The following MS4A13 variants were observed in gnomAD, a reference collection of about 807,000 sequenced individuals.
MS4A13 encodes the protein membrane-spanning 4-domains subfamily A member 13.
Under a neutral mutation model 18.4 loss-of-function variants are expected in MS4A13, and 21 were observed. The observed-to-expected ratio is 1.14, with a 90% confidence interval of 0.81 to 1.64. The LOEUF (loss-of-function observed/expected upper bound fraction) is 1.64, where lower values mean the gene tolerates loss of function less well. Ranked by LOEUF, MS4A13 falls within the 40% of genes most tolerant of loss-of-function variation. MS4A13 has a pLI of 0.00. For missense variants in MS4A13, 173 were observed against 176.8 expected, an observed-to-expected ratio of 0.98 and a Z score of 0.12; for synonymous variants, 62 against 57.2, an observed-to-expected ratio of 1.08 and a Z score of -0.38.
intron 4 of MS4A13, among the ~76,000 whole-genome samples, chr11:60,525,004 T>G (rs1289720328): frequency 1.3e-5 from 2 of 152,198 alleles, no homozygotes; most frequent in Non-Finnish European, 2.9e-5. Flanking sequence ...GATTAATGAT[T>G]AATGGACTGA....
At chr11:60,527,771 G>A (rs2086730425) in intron 5 of MS4A13, among the ~76,000 whole-genome samples, 4 of 152,078 alleles carry the variant, frequency 2.6e-5, no homozygotes. Flanking sequence ...AGGAGGCAGA[G>A]GTTGCAGTGA....
chr11:60,532,052 G>C (rs932042756), intron 6 of MS4A13, among the ~76,000 whole-genome samples: 18 of 152,180 alleles, frequency 1.2e-4, no homozygotes, highest in Non-Finnish European at 5.9e-5. Context: ...AATAATAATA[G>C]TTACCCATAG....
chr11:60,531,573 A>G (rs1299761606), intron 6 of MS4A13, among the ~76,000 whole-genome samples: 1 of 152,216 alleles, frequency 6.6e-6, no homozygotes, highest in East Asian at 1.9e-4. Context: ...TACTGGCTCA[A>G]GGTGTCTAAT....
intron 4 of MS4A13, 43 bp downstream of exon 4, chr11:60,523,996 C>A: frequency 8.4e-7 from 1 of 1,184,774 alleles, no homozygotes; most frequent in Non-Finnish European, 1.3e-6. Context: ...TCACTTATCA[C>A]AAAGCTAAAT....
chr11:60,516,105 A>G (rs192204562), intron 2 of MS4A13, 21 bp downstream of exon 2: 10 of 152,312 alleles, frequency 6.6e-5, no homozygotes, highest in Admixed American at 1.3e-4. Flanking sequence ...ACTTTGACTA[A>G]CTAAATTTAA....
rs1288762674 is a variant in MS4A13, at chr11:60,522,197, C to CAT, written c.130-1699_130-1698insTA. Among the ~76,000 whole-genome samples, 152 of 129,902 alleles carry CAT rather than the reference C, an allele frequency of 1.2e-3. 2 individuals carry two copies. The South Asian group carries it at 0.041, about 35-fold the overall frequency. 85.2% of individuals were successfully genotyped at this position (129,902 alleles called of 152,430 possible). On this transcript the variant is annotated intron_variant, in intron 3 of 6. Transcript: ENST00000378186. Reference sequence around the variant, plus strand: ...AGCCAAACCATATCAAAAGATCAGACAGATAGATAGATAGATAGATAGATA... The same window carrying CAT: ...AGCCAAACCATATCAAAAGATCAGACATAGATAGATAGATAGATAGATAGATA...
chr11:60,532,605 G>T (rs1318764236), intron 6 of MS4A13, among the ~76,000 whole-genome samples: 2 of 152,088 alleles, frequency 1.3e-5, no homozygotes, highest in Admixed American at 6.5e-5. Flanking sequence ...AGGGGCGCCC[G>T]CCATTGCGCA....
intron 6 of MS4A13, among the ~76,000 whole-genome samples, chr11:60,539,663 C>T (rs2086840551): frequency 6.6e-6 from 1 of 151,912 alleles, no homozygotes. Context: ...CTAGACACCT[C>T]CATGTCAAAC....
chr11:60,522,114 C>T (rs901705822), intron 3 of MS4A13, among the ~76,000 whole-genome samples: 16 of 151,870 alleles, frequency 1.1e-4, no homozygotes, highest in African/African-American at 2.7e-4. Context: ...CACTGGGTCC[C>T]GCCCACAACA....
At chr11:60,529,281 T>G in intron 5 of MS4A13, 84 bp from the exon 6 acceptor site, 1 of 274,674 alleles carries the variant, frequency 3.6e-6, no homozygotes, top group East Asian at 6.8e-5. Context: ...TTTTTGACTC[T>G]CATACCAGTA....
intron 3 of MS4A13, among the ~76,000 whole-genome samples, chr11:60,519,405 GTTT>G (rs796778494): frequency 6.8e-6 from 1 of 146,002 alleles, no homozygotes; most frequent in Non-Finnish European, 1.5e-5. Flanking sequence ...GCCTGTGGAA[GTTT>G]TTTTTTTTTT....
At chr11:60,538,419 A>T (rs1005339549) in intron 6 of MS4A13, among the ~76,000 whole-genome samples, 4 of 151,586 alleles carry the variant, frequency 2.6e-5, no homozygotes, top group African/African-American at 9.7e-5. Flanking sequence ...TTGATTTTAA[A>T]TGTTTTCATC....
At chr11:60,517,440 C>G (rs1249077963) in intron 2 of MS4A13, among the ~76,000 whole-genome samples, 1 of 152,090 alleles carries the variant, frequency 6.6e-6, no homozygotes, top group Non-Finnish European at 1.5e-5. Context: ...TAATTATCTT[C>G]TTACAAATTA....
At chr11:60,522,360 A>T (rs1319992809) in intron 3 of MS4A13, among the ~76,000 whole-genome samples, 1 of 151,846 alleles carries the variant, frequency 6.6e-6, no homozygotes, top group Non-Finnish European at 1.5e-5. Flanking sequence ...ATTTCAATTC[A>T]TTCGAAAAGA....
chr11:60,515,802 G>A (rs950529329), intron 1 of MS4A13, 167 bp from the exon 2 acceptor site: 3 of 152,214 alleles, frequency 2.0e-5, no homozygotes, highest in Non-Finnish European at 4.4e-5. Flanking sequence ...CTGTTATTCA[G>A]AACAGATGGA....
At chr11:60,531,775 T>C (rs1286673369) in intron 6 of MS4A13, among the ~76,000 whole-genome samples, 1 of 152,228 alleles carries the variant, frequency 6.6e-6, no homozygotes, top group East Asian at 1.9e-4. Flanking sequence ...TCTTTATTTG[T>C]CTGTGTCCTA....
chr11:60,541,928 G>A lies in MS4A13; in HGVS notation c.403-591G>A, dbSNP rs146343709. On this transcript the variant is annotated intron_variant, in intron 6 of 6. Transcript: ENST00000378186. ...AGCTTGGTCAACATGGTGAAACCCC[G>A]TCTCTACTAAAAATACAAAAAAATT... Among the ~76,000 whole-genome samples, 827 of 151,786 alleles carry A rather than the reference G, an allele frequency of 5.4e-3. 8 individuals are homozygous for A. Among genetic ancestry groups the A allele is most frequent in the Non-Finnish European group, 4.9e-3 (332 of 67,912 alleles).
intron 1 of MS4A13, 30 bp from the exon 2 acceptor site, chr11:60,515,939 A>T (rs572370579): frequency 6.6e-6 from 1 of 152,332 alleles, no homozygotes; most frequent in East Asian, 1.9e-4. Context: ...CTAAGAAAAT[A>T]ATGTATATGT....
intron 6 of MS4A13, among the ~76,000 whole-genome samples, chr11:60,540,917 C>T (rs1470433824): frequency 2.0e-5 from 3 of 149,574 alleles, no homozygotes; most frequent in East Asian, 2.0e-4. Flanking sequence ...TTCAGGCCAC[C>T]GTACCCCAGT....
Sources: allele counts gnomAD v4.1 joint callset (sites outside exome capture counted in the v4.1 genomes callset), GRCh38; gene constraint gnomAD v4.1.1; transcripts MANE v1.5; gene names NCBI Gene and HGNC (gene_info 2026-07-23, HGNC 2026-07-21).